LIMCH1: variants seen among roughly 807,000 people sequenced by gnomAD.
LIMCH1 encodes the protein LIM and calponin homology domains 1.
LIMCH1 carries 113 observed loss-of-function variants against 176.5 expected under a neutral mutation model. That is an observed-to-expected ratio of 0.64 (90% CI 0.55 to 0.75). The LOEUF (loss-of-function observed/expected upper bound fraction) is 0.75, where lower values mean the gene tolerates loss of function less well. LIMCH1 is among the 30% of genes least tolerant of loss of function. The probability of loss-of-function intolerance (pLI) is 0.00; values close to 1 mark genes in which losing one functional copy is unlikely to be tolerated. For missense variants in LIMCH1, 1,674 were observed against 1,814.9 expected, an observed-to-expected ratio of 0.92 and a Z score of 1.41; for synonymous variants, 619 against 645.9, an observed-to-expected ratio of 0.96 and a Z score of 0.63.
intron 24 of LIMCH1, 116 bp from the exon 25 acceptor site, chr4:41,680,838 GC>G (rs1715093614): frequency 9.2e-6 from 5 of 545,908 alleles, no homozygotes; most frequent in Non-Finnish European, 1.7e-5. Context: ...TTTTTAAAAT[GC>G]CCTGCTTGTT....
chr4:41,568,413 T>C lies in LIMCH1; in HGVS notation c.-241+30063T>C, dbSNP rs187871327. Among the ~76,000 whole-genome samples, 12 of 152,326 alleles carry C rather than the reference T, an allele frequency of 7.9e-5. No individual in the cohort carries two copies. In the East Asian group the frequency reaches 1.7e-3, roughly 22 times the overall value. On this transcript the variant is annotated intron_variant, in intron 1 of 31. Coordinates refer to ENST00000503057, the MANE Select transcript of LIMCH1 (RefSeq NM_001330672.2). ...TGCACCGGAGTTACAACACAAGAACTGTTGCATTCCCTTGCAATGGTGTGT... is the reference window on the plus strand; with the variant it reads ...TGCACCGGAGTTACAACACAAGAACCGTTGCATTCCCTTGCAATGGTGTGT...
Position 41,482,651 on chromosome 4 carries a change from C to G in LIMCH1, c.97-11885C>G, listed in dbSNP as rs75623515. Among the ~76,000 whole-genome samples the G allele has an allele frequency of 2.4e-3, 361 of 151,952 alleles. 2 individuals are homozygous for G. The highest frequency in any genetic ancestry group is 8.4e-3 in the African/African-American group (347 of 41,446). ...GCCTTATTTAAGATCAGGGAGGAAG[C>G]TGAAAAAAGGACTGGAAAGGGAGAA... On this transcript the variant is annotated intron_variant, in intron 1 of 26. Coordinates refer to the LIMCH1 transcript ENST00000313860.
In LIMCH1 at chr4:41,629,507, A is replaced by G; in HGVS notation, c.1044A>G (p.Thr348=). The G allele has an allele frequency of 2.6e-6, 4 of 1,536,114 alleles. No individual in the cohort carries two copies. The South Asian group carries it at 3.6e-5, about 14-fold the overall frequency. ...SLEYKRNQGH[T]EEVKLIVTCN... is the part of the protein sequence containing the mutation. Reference sequence around the variant, plus strand: ...AAATGGACAGAAACCAGGGCCACACAGAAGAGGTGAAGTTGATAGTGACCT... The same window carrying G: ...AAATGGACAGAAACCAGGGCCACACGGAAGAGGTGAAGTTGATAGTGACCT... The change falls in exon 9 of 32, where the codon ACA becomes ACG. Residue 348 remains threonine, a synonymous_variant. Transcript: ENST00000503057.
At chr4:41,626,317 C>G (rs2092947029) in intron 7 of LIMCH1, among the ~76,000 whole-genome samples, 1 of 152,032 alleles carries the variant, frequency 6.6e-6, no homozygotes, top group Non-Finnish European at 1.5e-5. Flanking sequence ...ATTTTTTGCC[C>G]TGTCAGTCAA....
At chr4:41,622,679 C>G (rs2092674209) in intron 7 of LIMCH1, among the ~76,000 whole-genome samples, 1 of 152,176 alleles carries the variant, frequency 6.6e-6, no homozygotes, top group South Asian at 2.1e-4. Flanking sequence ...TGACAACTCC[C>G]ATTCACTGTA....
chr4:41,640,816 A>G (rs4861123), intron 14 of LIMCH1, among the ~76,000 whole-genome samples: 64,056 of 151,944 alleles, frequency 0.42, 13,711 homozygotes, highest in South Asian at 0.46. Flanking sequence ...CCAATCAAAA[A>G]AAAGATGAGC....
intron 18 of LIMCH1, among the ~76,000 whole-genome samples, chr4:41,656,729 C>T (rs1212953519): frequency 6.6e-6 from 1 of 152,124 alleles, no homozygotes. Context: ...GGCTTGTGTC[C>T]AGATAAGTTG....
intron 1 of LIMCH1, among the ~76,000 whole-genome samples, chr4:41,442,135 A>G (rs2062766724): frequency 6.6e-6 from 1 of 152,042 alleles, no homozygotes; most frequent in Non-Finnish European, 1.5e-5. Flanking sequence ...CTGCATCTCT[A>G]CAGAAAATAC....
At chr4:41,415,280 A>C (rs1217417811) in intron 1 of LIMCH1, among the ~76,000 whole-genome samples, 2 of 152,188 alleles carry the variant, frequency 1.3e-5, no homozygotes, top group East Asian at 3.8e-4. Flanking sequence ...CCTGAAAGCC[A>C]TGTGGAGAAT....
At chr4:41,586,447 G>A (rs2086487631) in intron 1 of LIMCH1, among the ~76,000 whole-genome samples, 1 of 151,964 alleles carries the variant, frequency 6.6e-6, no homozygotes, top group Non-Finnish European at 1.5e-5. Flanking sequence ...ATTTCATCAT[G>A]GACCAGTACC....
In LIMCH1 at chr4:41,598,956, C is replaced by T; in HGVS notation, c.-204C>T. ...CTTATTCTTGAGAGGTTGTAAAGAG[C>T]TCGGCCTTAAAGAATCTCAACTTTT... On this transcript the variant is annotated 5_prime_UTR_variant, in exon 2 of 32. Coordinates refer to ENST00000503057, the MANE Select transcript of LIMCH1 (RefSeq NM_001330672.2). 1 of 1,611,690 alleles carries T rather than the reference C, an allele frequency of 6.2e-7. No individual in the cohort carries two copies. Among genetic ancestry groups the T allele is most frequent in the East Asian group, 2.2e-5 (1 of 44,840 alleles).
intron 1 of LIMCH1, among the ~76,000 whole-genome samples, chr4:41,592,544 C>T (rs1350126938): frequency 6.6e-6 from 1 of 152,102 alleles, no homozygotes; most frequent in Non-Finnish European, 1.5e-5. Flanking sequence ...AATGGATAAA[C>T]TGTTCTTCAT....
intron 21 of LIMCH1, among the ~76,000 whole-genome samples, 196 bp from the exon 22 acceptor site, chr4:41,671,358 T>C (rs1378205456): frequency 1.3e-5 from 2 of 151,472 alleles, no homozygotes; most frequent in Non-Finnish European, 2.9e-5. Context: ...ACAGGGGTTG[T>C]CTGCTTTATT....
intron 18 of LIMCH1, among the ~76,000 whole-genome samples, chr4:41,656,465 CA>C (rs2094466521): frequency 6.6e-6 from 1 of 152,040 alleles, no homozygotes; most frequent in Admixed American, 6.5e-5. Context: ...AAGCATACAT[CA>C]GGGAAAATAA....
At chr4:41,593,756 A>G (rs1237763559) in intron 1 of LIMCH1, among the ~76,000 whole-genome samples, 1 of 152,256 alleles carries the variant, frequency 6.6e-6, no homozygotes, top group Non-Finnish European at 1.5e-5. Flanking sequence ...TGGTTACAAC[A>G]ACAGTGTTGA....
chr4:41,378,691 T>C (rs1172048650), intron 1 of LIMCH1, among the ~76,000 whole-genome samples: 1 of 152,072 alleles, frequency 6.6e-6, no homozygotes, highest in Non-Finnish European at 1.5e-5. Context: ...GCAACATCAG[T>C]GGGAATGAAT....
intron 1 of LIMCH1, among the ~76,000 whole-genome samples, chr4:41,368,695 A>G (rs1003632549): frequency 6.6e-6 from 1 of 152,130 alleles, no homozygotes; most frequent in African/African-American, 2.4e-5. Context: ...CTCTAGGTCT[A>G]TTGAAGGTAG....
In LIMCH1 at chr4:41,699,913, A is replaced by G. The variant is rs1332123297; in HGVS notation, c.*2728A>G. 6.6e-6 allele frequency: 1 copy of G among 152,230 alleles called. No homozygotes were observed. Among genetic ancestry groups the G allele is most frequent in the East Asian group, 1.9e-4 (1 of 5,200 alleles). The allele number at this position is 152,230 out of a possible 1,614,324, so 9.4% of individuals were successfully genotyped here. On this transcript the variant is annotated 3_prime_UTR_variant, in exon 32 of 32. Coordinates refer to ENST00000503057, the MANE Select transcript of LIMCH1 (RefSeq NM_001330672.2). ...GGTGGGCCAGTGTTCTATATCGGTTATACTAACTTTCATTTAAAGTATTTA... is the reference window on the plus strand; with the variant it reads ...GGTGGGCCAGTGTTCTATATCGGTTGTACTAACTTTCATTTAAAGTATTTA...
intron 8 of LIMCH1, among the ~76,000 whole-genome samples, chr4:41,627,952 C>A (rs2093073378): frequency 6.6e-6 from 1 of 152,150 alleles, no homozygotes. Flanking sequence ...AGTTGTTGAG[C>A]TCAGGGGAGT....
Sources: gnomAD v4.1 joint callset for allele counts (sites outside exome capture counted in the v4.1 genomes callset) on GRCh38, gnomAD v4.1.1 for gene constraint, MANE v1.5 for transcripts, NCBI Gene and HGNC (gene_info 2026-07-23, HGNC 2026-07-21) for gene names.